Variants in GALR1 observed in about 807,000 individuals in gnomAD.
The protein encoded by GALR1 is galanin receptor 1.
Under a neutral mutation model 17.9 loss-of-function variants are expected in GALR1, and 11 were observed. The observed-to-expected ratio is 0.62, with a 90% CI of 0.39 to 1.02. The LOEUF (loss-of-function observed/expected upper bound fraction) is 1.02. Among genes scored for constraint, GALR1 ranks in the 50% least tolerant of loss-of-function variants. The pLI is 0.01. For missense variants in GALR1, 441 were observed against 456.9 expected (o/e 0.97, Z 0.32); for synonymous variants, 206 against 205.7 (o/e 1.00, Z -0.01).
chr18:77,256,262 G>T, intron 2 of GALR1, 39 bp downstream of exon 2: 1 of 1,166,162 alleles, frequency 8.6e-7, no homozygotes, highest in South Asian at 1.3e-5. Context: ...TTACTTTTCA[G>T]AGCTTAGTTT....
intron 1 of GALR1, among the ~76,000 whole-genome samples, chr18:77,252,036 G>T (rs1438503038): frequency 6.6e-6 from 1 of 152,206 alleles, no homozygotes; most frequent in African/African-American, 2.4e-5. Context: ...TGAAGTGGTT[G>T]AGGCGGCGGG....
At chr18:77,257,998 G>A (rs554645396) in intron 2 of GALR1, among the ~76,000 whole-genome samples, 3 of 152,318 alleles carry the variant, frequency 2.0e-5, no homozygotes, top group South Asian at 2.1e-4. Context: ...TACTTGTGTC[G>A]ATGGTAGTTT....
intron 2 of GALR1, among the ~76,000 whole-genome samples, chr18:77,258,653 AGTG>A (rs1359559039): frequency 9.5e-5 from 4 of 42,140 alleles, no homozygotes; most frequent in Non-Finnish European, 1.6e-4. Flanking sequence ...TGGTGGTCAT[AGTG>A]GTGGTGGTGG....
At chr18:77,254,713 T>C (rs2850882) in intron 1 of GALR1, among the ~76,000 whole-genome samples, 62,375 of 152,090 alleles carry the variant, frequency 0.41, 13,775 homozygotes, top group African/African-American at 0.57. Context: ...CTGCAGGAAA[T>C]CCCTGTTCTG....
In GALR1 at chr18:77,250,544, G is replaced by A; in HGVS notation, c.-5G>A. On this transcript the variant is annotated 5_prime_UTR_variant, in exon 1 of 3. Transcript: ENST00000299727. ...CCGCCGCTCGCCGGGACAGCCCCGC[G>A]GGCCATGGAGCTGGCGGTCGGGAAC... 2 of 1,515,354 alleles carry A rather than the reference G, an allele frequency of 1.3e-6. No individual in the cohort carries two copies. Among genetic ancestry groups the A allele is most frequent in the South Asian group, 1.3e-5 (1 of 79,736 alleles). The allele number at this position is 1,515,354 out of a possible 1,614,324, so 93.9% of individuals were successfully genotyped here.
intron 2 of GALR1, among the ~76,000 whole-genome samples, chr18:77,258,341 G>A (rs935814168): frequency 3.3e-5 from 5 of 152,098 alleles, no homozygotes; most frequent in Non-Finnish European, 7.4e-5. Context: ...TTTCTTTTTC[G>A]TTTTCACAGC....
rs1913159634 is a variant in GALR1, at chr18:77,276,442, G to A, written c.*7540G>A. On this transcript the variant is annotated 3_prime_UTR_variant, in exon 3 of 3. Coordinates refer to ENST00000299727, the MANE Select transcript of GALR1 (RefSeq NM_001480.4). ...CAGTTGAAAGTACCCGTGATGCTCT[G>A]GCCTTACCTTAGATCAGAGATTCTT... 6.6e-6 allele frequency: 1 copy of A among 152,160 alleles called. No homozygotes were observed. The highest frequency in any genetic ancestry group is 1.5e-5 in the Non-Finnish European group (1 of 68,026). The allele number at this position is 152,160 out of a possible 1,614,324, so 9.4% of individuals were successfully genotyped here. A position where few individuals can be genotyped will look rare whatever the true frequency, so the allele number is the denominator to read the frequency against.
intron 2 of GALR1, among the ~76,000 whole-genome samples, chr18:77,259,806 G>A (rs1448415004): frequency 2.0e-5 from 3 of 151,994 alleles, no homozygotes; most frequent in African/African-American, 7.3e-5. Flanking sequence ...GAGGCGTGAT[G>A]AGAAGGGAGG....
In GALR1 at chr18:77,270,817, TGTAA is replaced by T. The variant is rs1913047794; in HGVS notation, c.*1918_*1921del. 1 of 152,224 alleles carries T rather than the reference TGTAA, an allele frequency of 6.6e-6. No individual in the cohort carries two copies. Among genetic ancestry groups the T allele is most frequent in the African/African-American group, 2.4e-5 (1 of 41,448 alleles). 9.4% of individuals were successfully genotyped at this position (152,224 alleles called of 1,614,324 possible). A position where few individuals can be genotyped will look rare whatever the true frequency, so the allele number is the denominator to read the frequency against. On this transcript the variant is annotated 3_prime_UTR_variant, in exon 3 of 3. Coordinates refer to ENST00000299727, the MANE Select transcript of GALR1 (RefSeq NM_001480.4). Reference sequence around the variant, plus strand: ...ACTAGAAGAAGAAATTGTGTTTATGTGTAAGTGAGGGTCTTAAAGAATATGTCCT... The same window carrying T: ...ACTAGAAGAAGAAATTGTGTTTATGTGTGAGGGTCTTAAAGAATATGTCCT...
In GALR1 at chr18:77,275,425, G is replaced by A. The variant is rs1476202769; in HGVS notation, c.*6523G>A. On this transcript the variant is annotated 3_prime_UTR_variant, in exon 3 of 3. Transcript: ENST00000299727. ...AAGGAGATTTGAGCAGGTGAATGGAGTTTCTGTCATTCCTGGTCTAGAGTT... is the reference window on the plus strand; with the variant it reads ...AAGGAGATTTGAGCAGGTGAATGGAATTTCTGTCATTCCTGGTCTAGAGTT... 1 of 152,240 alleles carries A rather than the reference G, an allele frequency of 6.6e-6. No homozygotes were observed. The highest frequency in any genetic ancestry group is 1.5e-5 in the Non-Finnish European group (1 of 68,068). 9.4% of individuals were successfully genotyped at this position (152,240 alleles called of 1,614,324 possible).
intron 2 of GALR1, among the ~76,000 whole-genome samples, chr18:77,262,291 T>G (rs1010049790): frequency 6.6e-6 from 1 of 152,122 alleles, no homozygotes; most frequent in African/African-American, 2.4e-5. Context: ...GGGTTGAAAT[T>G]AGTACACGTG....
chr18:77,268,592 A>G lies in GALR1; in HGVS notation c.740A>G (p.Gln247Arg), dbSNP rs143127587. The change falls in exon 3 of 3, where the codon CAG becomes CGG. Residue 247 changes from glutamine (Q) to arginine (R), a missense_variant. Physicochemically the swap from Gln to Arg is conservative, Grantham distance 43. Transcript: ENST00000299727. ...KSEASKKKTAQTVLVVVVVFG... is the reference protein window; with the variant it reads ...KSEASKKKTARTVLVVVVVFG... ...CCTCTTCTTCTTTTCTAGACTGCACAGACAGTTCTGGTGGTGGTTGTGGTG... is the reference window on the plus strand; with the variant it reads ...CCTCTTCTTCTTTTCTAGACTGCACGGACAGTTCTGGTGGTGGTTGTGGTG... 184 of 1,612,704 alleles carry G rather than the reference A, an allele frequency of 1.1e-4. 1 individual carries two copies. In the Middle Eastern group the frequency reaches 1.2e-3, roughly 10 times the overall value.
At position 77,250,578 on chromosome 18, in the gene GALR1, G is replaced by C. The variant is rs780407897; in HGVS notation, c.30G>C (p.Glu10Asp). Residue 10 changes from glutamate (E) to aspartate (D), a missense_variant, in exon 1 of 3, where the codon GAG becomes GAC. Transcript: ENST00000299727. MELAVGNLS[E>D]GNASWPEPPA... ...AGCTGGCGGTCGGGAACCTCAGCGAGGGCAACGCGAGCTGGCCGGAGCCCC... is the reference window on the plus strand; with the variant it reads ...AGCTGGCGGTCGGGAACCTCAGCGACGGCAACGCGAGCTGGCCGGAGCCCC... The C allele has an allele frequency of 6.5e-7, 1 of 1,540,882 alleles. No homozygotes were observed. Among genetic ancestry groups the C allele is most frequent in the Non-Finnish European group, 8.7e-7 (1 of 1,148,494 alleles).
At position 77,251,091 on chromosome 18, in the gene GALR1, C is replaced by G. The variant is rs752190390; in HGVS notation, c.543C>G (p.Ala181=). ...AYHQGLFHPR[A]SNQTFCWEQW... is the part of the protein sequence containing the mutation. ...ACCAGGGCCTCTTCCACCCGCGCGC[C>G]AGCAACCAGACCTTCTGCTGGGAGC... The change falls in exon 1 of 3, where the codon GCC becomes GCG. Residue 181 remains alanine, a synonymous_variant. Transcript: ENST00000299727. The G allele has an allele frequency of 9.3e-6, 15 of 1,611,630 alleles. No homozygotes were observed. Among genetic ancestry groups the G allele is most frequent in the Non-Finnish European group, 1.3e-5 (15 of 1,179,926 alleles).
At position 77,269,051 on chromosome 18, in the gene GALR1, A is replaced by G. The variant is rs1913008236; in HGVS notation, c.*149A>G. The G allele has an allele frequency of 7.9e-6, 5 of 634,666 alleles. No individual in the cohort carries two copies. In the Admixed American group the frequency reaches 1.3e-4, roughly 16 times the overall value. 39.3% of individuals were successfully genotyped at this position (634,666 alleles called of 1,614,324 possible). A position where few individuals can be genotyped will look rare whatever the true frequency, so the allele number is the denominator to read the frequency against. ...TTAAATCCCACGTGTGTTAAAAAGT[A>G]CTTTGATCCATTTAGGAAATTCCTA... On this transcript the variant is annotated 3_prime_UTR_variant, in exon 3 of 3. Coordinates refer to ENST00000299727, the MANE Select transcript of GALR1 (RefSeq NM_001480.4).
intron 1 of GALR1, among the ~76,000 whole-genome samples, chr18:77,255,848 G>T (rs1372424975): frequency 6.6e-6 from 1 of 152,180 alleles, no homozygotes; most frequent in Non-Finnish European, 1.5e-5. Context: ...ACACCTGAGT[G>T]GGTCATGGCA....
chr18:77,252,995 C>CCACCACCATCACCACCAT (rs1912498455), intron 1 of GALR1, among the ~76,000 whole-genome samples: 15 of 43,740 alleles, frequency 3.4e-4, no homozygotes, highest in Non-Finnish European at 7.9e-4. Flanking sequence ...ACCATCACCA[C>CCACCACCATCACCACCAT]CACCACCACC....
At chr18:77,257,817 T>C (rs1160432875) in intron 2 of GALR1, among the ~76,000 whole-genome samples, 2 of 152,218 alleles carry the variant, frequency 1.3e-5, no homozygotes, top group African/African-American at 4.8e-5. Context: ...GGGGCAGTGT[T>C]TGGAGCATCA....
At chr18:77,253,016 C>T (rs866497141) in intron 1 of GALR1, among the ~76,000 whole-genome samples, 922 of 79,562 alleles carry the variant, frequency 0.012, 11 homozygotes, top group African/African-American at 0.039. Flanking sequence ...ACCACCACCA[C>T]CACCACCATC....
Sources: gnomAD v4.1 joint callset for allele counts (sites outside exome capture counted in the v4.1 genomes callset) on GRCh38, gnomAD v4.1.1 for gene constraint, MANE v1.5 for transcripts, NCBI Gene and HGNC (gene_info 2026-07-23, HGNC 2026-07-21) for gene names.